Variants in ABCB1 observed in about 807,000 individuals in gnomAD.
ABCB1 encodes ATP-dependent translocase ABCB1.
A neutral mutation model predicts 142.0 loss-of-function variants in ABCB1; 69 were observed. The ratio of observed to expected loss-of-function variants is 0.49; its 90% CI spans 0.40 to 0.59. ABCB1 has a LOEUF of 0.59. Ranked by LOEUF, ABCB1 falls within the 20% of genes least tolerant of loss-of-function variation. The probability of loss-of-function intolerance (pLI) is 0.00; values close to 1 mark genes in which losing one functional copy is unlikely to be tolerated. For synonymous variants in ABCB1, 532 were observed against 539.2 expected, an observed-to-expected ratio of 0.99 and a Z score of 0.18; for missense variants, 1,326 against 1,554.7, an observed-to-expected ratio of 0.85 and a Z score of 2.47.
At position 87,541,469 on chromosome 7, in the gene ABCB1, G is replaced by A. The variant is rs1324528446; in HGVS notation, c.2212-5C>T. On this transcript the variant is annotated splice_region_variant and splice_polypyrimidine_tract_variant and intron_variant, in intron 17 of 27. Coordinates refer to ENST00000622132, the MANE Select transcript of ABCB1 (RefSeq NM_001348946.2). ...ATCATCAATTCTTGTAAAAACCTGT[G>A]AGAAAACATTTAAAGGATTTTTAGT... 1.9e-6 allele frequency: 3 copies of A among 1,574,958 alleles called. No homozygotes were observed. The highest frequency in any genetic ancestry group is 2.6e-6 in the Non-Finnish European group (3 of 1,144,480).
intron 5 of ABCB1, among the ~76,000 whole-genome samples, chr7:87,569,236 G>A (rs1012547460): frequency 6.7e-6 from 1 of 149,214 alleles, no homozygotes; most frequent in Non-Finnish European, 1.5e-5. Flanking sequence ...GGGAAGCTGA[G>A]ACACAAGAAT....
At chr7:87,709,772 G>C (rs1010118699) in intron 1 of ABCB1, among the ~76,000 whole-genome samples, 4 of 151,930 alleles carry the variant, frequency 2.6e-5, no homozygotes, top group African/African-American at 9.7e-5. Flanking sequence ...TATGTATTTA[G>C]TCTTCATGAA....
At chr7:87,695,674 A>C (rs1402228071) in intron 1 of ABCB1, among the ~76,000 whole-genome samples, 1 of 152,130 alleles carries the variant, frequency 6.6e-6, no homozygotes, top group Non-Finnish European at 1.5e-5. Flanking sequence ...CTATTACTAA[A>C]GATGGGGAAT....
At chr7:87,654,782 G>T (rs79584784) in intron 1 of ABCB1, among the ~76,000 whole-genome samples, 1 of 151,942 alleles carries the variant, frequency 6.6e-6, no homozygotes, top group Non-Finnish European at 1.5e-5. Flanking sequence ...TACAAAAAGG[G>T]AAGAAATATT....
At chr7:87,627,625 G>A (rs1820744461) in intron 1 of ABCB1, 1 of 152,244 alleles carries the variant, frequency 6.6e-6, no homozygotes, top group African/African-American at 2.4e-5. Flanking sequence ...TGGGTAGTGA[G>A]AAGCTCTAGG....
intron 5 of ABCB1, among the ~76,000 whole-genome samples, chr7:87,567,946 T>A (rs1817847427): frequency 6.6e-6 from 1 of 150,656 alleles, no homozygotes; most frequent in African/African-American, 2.4e-5. Flanking sequence ...TACAAAAAAA[T>A]TAGCCAAGCG....
intron 21 of ABCB1, chr7:87,522,212 G>C: frequency 7.7e-7 from 1 of 1,305,568 alleles, no homozygotes; most frequent in Non-Finnish European, 1.1e-6. Context: ...GGTAATCATG[G>C]AAGCAATTTT....
In ABCB1 at chr7:87,698,208, T is replaced by C. The variant is rs372195275; in HGVS notation, c.-331+14953A>G. 2.6e-5 allele frequency among the ~76,000 whole-genome samples: 4 copies of C among 152,306 alleles called. No homozygotes were observed. In the East Asian group the frequency reaches 5.8e-4, roughly 22 times the overall value. On this transcript the variant is annotated intron_variant, in intron 1 of 28. Coordinates refer to the ABCB1 transcript ENST00000265724. ...TCCACCTCCCGGGTTCACGCCATTC[T>C]CCTGCCTCAGCCTCCCGAGTAGCTG... is the stretch of plus-strand genomic sequence containing the variant.
chr7:87,676,585 T>A (rs2130558709), intron 1 of ABCB1, among the ~76,000 whole-genome samples: 1 of 151,186 alleles, frequency 6.6e-6, no homozygotes, highest in East Asian at 2.0e-4. Context: ...ATGCCTGTAG[T>A]CCCAGCTACT....
At chr7:87,686,678 G>A (rs1827491779) in intron 1 of ABCB1, among the ~76,000 whole-genome samples, 1 of 151,638 alleles carries the variant, frequency 6.6e-6, no homozygotes, top group Non-Finnish European at 1.5e-5. Flanking sequence ...AGTGGCTCAT[G>A]CCTGTAATCC....
At chr7:87,645,072 GCTTT>G (rs1175400055) in intron 1 of ABCB1, among the ~76,000 whole-genome samples, 2 of 149,022 alleles carry the variant, frequency 1.3e-5, no homozygotes, top group African/African-American at 2.5e-5. Context: ...TCACAATCAT[GCTTT>G]CTTTCTTTTT....
At chr7:87,677,009 C>T (rs1026793146) in intron 1 of ABCB1, among the ~76,000 whole-genome samples, 1 of 152,064 alleles carries the variant, frequency 6.6e-6, no homozygotes, top group Admixed American at 6.6e-5. Flanking sequence ...GAAAAGGGAA[C>T]CTTCCTACTC....
intron 21 of ABCB1, among the ~76,000 whole-genome samples, chr7:87,530,623 G>A (rs1214037408): frequency 6.6e-6 from 1 of 151,780 alleles, no homozygotes; most frequent in East Asian, 1.9e-4. Context: ...ACAGAAATAG[G>A]ATGAAGGGAG....
intron 1 of ABCB1, among the ~76,000 whole-genome samples, chr7:87,645,995 T>C (rs1461278167): frequency 6.6e-6 from 1 of 152,250 alleles, no homozygotes; most frequent in Non-Finnish European, 1.5e-5. Context: ...TTGTAATGCT[T>C]TCTCACCCTT....
intron 7 of ABCB1, chr7:87,565,554 A>C (rs1817750940): frequency 2.4e-6 from 1 of 414,540 alleles, no homozygotes; most frequent in Non-Finnish European, 4.8e-6. Context: ...TTTATAACCA[A>C]AAATTTAACT....
At position 87,607,099 on chromosome 7, in the gene ABCB1, A is replaced by C; in HGVS notation, c.-330-6021T>G. ...GAGGTAGAGATAGAGATTCTCCTTA[A>C]GTAATAAGAAAATACATGGGAGGCT... On this transcript the variant is annotated intron_variant, in intron 1 of 28. Coordinates refer to the ABCB1 transcript ENST00000265724. Among the ~76,000 whole-genome samples, 2 of 152,184 alleles carry C rather than the reference A, an allele frequency of 1.3e-5. 1 individual carries two copies. The highest frequency in any genetic ancestry group is 2.9e-5 in the Non-Finnish European group (2 of 68,008).
At chr7:87,703,041 T>C (rs1004595921) in intron 1 of ABCB1, among the ~76,000 whole-genome samples, 3 of 152,164 alleles carry the variant, frequency 2.0e-5, no homozygotes, top group African/African-American at 7.2e-5. Context: ...GTAGCTTTAT[T>C]ATTTTGACAT....
Position 87,544,156 on chromosome 7 carries a change from A to G in ABCB1, c.2184T>C (p.Phe728=), listed in dbSNP as rs754891060. 1 of 1,613,974 alleles carries G rather than the reference A, an allele frequency of 6.2e-7. No homozygotes were observed. Among genetic ancestry groups the G allele is most frequent in the East Asian group, 2.2e-5 (1 of 44,822 alleles). The change falls in exon 17 of 28, where the codon TTT becomes TTC. Residue 728 remains phenylalanine, a synonymous_variant. Transcript: ENST00000622132. Reference sequence around the variant, plus strand: ...CTATAATCTTTGAAAATATTATTGCAAATGCTGGTTGCAGGCCTCCATTTA... The same window carrying G: ...CTATAATCTTTGAAAATATTATTGCGAATGCTGGTTGCAGGCCTCCATTTA... ...AIINGGLQPA[F]AIIFSKIIGV...
intron 16 of ABCB1, among the ~76,000 whole-genome samples, 169 bp from the exon 17 acceptor site, chr7:87,544,444 CA>C (rs905354706): frequency 1.1e-4 from 17 of 152,040 alleles, no homozygotes; most frequent in African/African-American, 3.4e-4. Flanking sequence ...TATTTAGCTT[CA>C]AAAAAATGTT....
Sources: gnomAD v4.1 joint callset for allele counts (sites outside exome capture counted in the v4.1 genomes callset) on GRCh38, gnomAD v4.1.1 for gene constraint, MANE v1.5 for transcripts, NCBI Gene and HGNC (gene_info 2026-07-23, HGNC 2026-07-21) for gene names.